Variants in PCDHGA4 observed in about 807,000 individuals in gnomAD.
The protein encoded by PCDHGA4 is protocadherin gamma-A4.
PCDHGA4 carries 38 observed loss-of-function variants against 54.6 expected under a neutral mutation model. That is an observed-to-expected ratio of 0.70 (90% CI 0.54 to 0.91). PCDHGA4 has a LOEUF of 0.91. Ranked by LOEUF, PCDHGA4 falls within the 40% of genes least tolerant of loss-of-function variation. The pLI is 0.00. For synonymous variants in PCDHGA4, 511 were observed against 512.9 expected (o/e 1.00, Z 0.05); for missense variants, 1,298 against 1,220.9 (o/e 1.06, Z -0.94).
chr5:141,460,951 G>GTA (rs200454978), intron 1 of PCDHGA4, among the ~76,000 whole-genome samples: 2,366 of 139,742 alleles, frequency 0.017, 20 homozygotes, highest in Middle Eastern at 0.037. Flanking sequence ...TATGTATTAT[G>GTA]TATATATATA....
chr5:141,355,523 T>C lies in PCDHGA4; in HGVS notation c.416T>C (p.Ile139Thr), dbSNP rs1170286718. The C allele has an allele frequency of 3.9e-5, 63 of 1,613,962 alleles. No individual in the cohort carries two copies. In the Admixed American group the frequency reaches 1.0e-3, roughly 27 times the overall value. The change falls in exon 1 of 4, where the codon ATT becomes ACT. Residue 139 changes from isoleucine (I) to threonine (T), a missense_variant. Physicochemically the swap from Ile to Thr is moderately conservative, Grantham distance 89 (BLOSUM62 -1). Transcript: ENST00000571252. ...CCAAACTGTGTGACAAACCTGGAGA[T>C]TCTTCTAGAAGATACAGTGAAGATT... ...RSPNCVTNLE[I>T]LLEDTVKILR... is the part of the protein sequence containing the mutation.
At position 141,490,874 on chromosome 5, in the gene PCDHGA4, A is replaced by T. The variant is rs368927472; in HGVS notation, c.2515-3933A>T. 2 of 1,613,948 alleles carry T rather than the reference A, an allele frequency of 1.2e-6. No homozygotes were observed. Among genetic ancestry groups the T allele is most frequent in the Non-Finnish European group, 1.7e-6 (2 of 1,179,952 alleles). On this transcript the variant is annotated intron_variant, in intron 1 of 3. Transcript: ENST00000571252. The surrounding 1 kb of genome is among the most constrained non-coding windows in gnomAD (Gnocchi z 5.4). The stretch of plus-strand genomic sequence containing the variant: ...CGAGACTCCGGCTCTCCCCCATTGC[A>T]TGCCAACACATCTCTGCATGTGTTT...
intron 1 of PCDHGA4, chr5:141,372,199 C>T: frequency 9.3e-6 from 15 of 1,613,572 alleles, no homozygotes; most frequent in Non-Finnish European, 1.3e-5. Flanking sequence ...GGATACAACG[C>T]CTGGCTGTCC....
At position 141,357,422 on chromosome 5, in the gene PCDHGA4, T is replaced by A. The variant is rs1277142896; in HGVS notation, c.2315T>A (p.Val772Glu). 1.9e-6 allele frequency: 3 copies of A among 1,614,254 alleles called. No individual in the cohort carries two copies. The African/African-American group carries it at 4.0e-5, about 22-fold the overall frequency. Residue 772 changes from valine to glutamate, a missense_variant, in exon 1 of 4, where the codon GTG (valine) becomes GAG (glutamate). Physicochemically the swap from Val to Glu is moderately radical, Grantham distance 121 (BLOSUM62 -2). Coordinates refer to ENST00000571252, the MANE Select transcript of PCDHGA4 (RefSeq NM_018917.4). ...RLAGVPASHF[V>E]GVDGVRAFLQ... ...GCAGGTGTGCCTGCCTCGCACTTTG[T>A]GGGCGTGGACGGGGTTCGGGCTTTC...
chr5:141,395,809 A>T (rs1448942836), intron 1 of PCDHGA4: 1 of 152,108 alleles, frequency 6.6e-6, no homozygotes, highest in Non-Finnish European at 1.5e-5. Flanking sequence ...CCTTCAAAAC[A>T]TGAACAAACT....
At position 141,388,709 on chromosome 5, in the gene PCDHGA4, C is replaced by G. The variant is rs370023698; in HGVS notation, c.2514+31088C>G. On this transcript the variant is annotated intron_variant, in intron 1 of 3. Coordinates refer to ENST00000571252, the MANE Select transcript of PCDHGA4 (RefSeq NM_018917.4). Reference sequence around the variant, plus strand: ...CGGACCAGGATGAGGGTGTCAATGCCGAGATTACTTTCTCTTTCAGTGAAG... The same window carrying G: ...CGGACCAGGATGAGGGTGTCAATGCGGAGATTACTTTCTCTTTCAGTGAAG... 1.4e-5 allele frequency: 22 copies of G among 1,613,938 alleles called. No individual in the cohort carries two copies. In the Admixed American group the frequency reaches 3.7e-4, roughly 27 times the overall value.
chr5:141,455,006 G>A (rs1194194759), intron 1 of PCDHGA4, among the ~76,000 whole-genome samples: 2 of 150,910 alleles, frequency 1.3e-5, no homozygotes, highest in Non-Finnish European at 3.0e-5. Flanking sequence ...TAGAGACGGG[G>A]TTTCACCGTG....
At position 141,430,782 on chromosome 5, in the gene PCDHGA4, G is replaced by C. The variant is rs1220976669; in HGVS notation, c.2515-64025G>C. 2.0e-6 allele frequency: 3 copies of C among 1,510,858 alleles called. No individual in the cohort carries two copies. The East Asian group carries it at 6.9e-5, about 35-fold the overall frequency. 93.6% of individuals were successfully genotyped at this position (1,510,858 alleles called of 1,614,324 possible). A position where few individuals can be genotyped will look rare whatever the true frequency, so the allele number is the denominator to read the frequency against. ...AGAATGATTCCTGCGCGACTGCACC[G>C]GGACTACAAAGGGCTTGTCCTGCTG... On this transcript the variant is annotated intron_variant, in intron 1 of 3. Coordinates refer to ENST00000571252, the MANE Select transcript of PCDHGA4 (RefSeq NM_018917.4).
chr5:141,371,562 T>G, intron 1 of PCDHGA4: 1 of 1,613,852 alleles, frequency 6.2e-7, no homozygotes, highest in Non-Finnish European at 8.5e-7. Context: ...AAAAGGAAAC[T>G]TCCCCTTTAA....
intron 1 of PCDHGA4, chr5:141,390,885 TGTGA>T (rs2092262333): frequency 6.5e-6 from 1 of 152,688 alleles, no homozygotes; most frequent in African/African-American, 2.4e-5. Flanking sequence ...TGTGTGTGTG[TGTGA>T]GAGAGATCCT....
At chr5:141,420,392 G>A (rs1480059498) in intron 1 of PCDHGA4, 2 of 1,268,940 alleles carry the variant, frequency 1.6e-6, no homozygotes, top group East Asian at 5.5e-5. Context: ...CAAAATATAG[G>A]TCAAATTTAT....
At chr5:141,358,595 C>T (rs1760962158) in intron 1 of PCDHGA4, among the ~76,000 whole-genome samples, 1 of 152,188 alleles carries the variant, frequency 6.6e-6, no homozygotes, top group Admixed American at 6.5e-5. Flanking sequence ...TGGTGCACTC[C>T]TGTGATTATG....
At chr5:141,499,908 G>A (rs903753761) in intron 2 of PCDHGA4, among the ~76,000 whole-genome samples, 2 of 151,980 alleles carry the variant, frequency 1.3e-5, no homozygotes, top group African/African-American at 2.4e-5. Flanking sequence ...GGCTGGTCTT[G>A]AACTCCTGGC....
At chr5:141,421,169 T>G in intron 1 of PCDHGA4, 2 of 1,340,600 alleles carry the variant, frequency 1.5e-6, no homozygotes, top group South Asian at 1.5e-5. Flanking sequence ...CATAGATACA[T>G]AAGCCGATTC....
chr5:141,395,542 T>TTGTTTGTTTGTG (rs1267535064), intron 1 of PCDHGA4: 1 of 168,708 alleles, frequency 5.9e-6, no homozygotes, highest in African/African-American at 5.7e-5. Flanking sequence ...TTGCTATTGT[T>TTGTTTGTTTGTG]TGTGTGTGTG....
At chr5:141,430,404 A>T (rs1054341813) in intron 1 of PCDHGA4, among the ~76,000 whole-genome samples, 2 of 152,000 alleles carry the variant, frequency 1.3e-5, no homozygotes, top group African/African-American at 4.8e-5. Flanking sequence ...AAAGCTCACT[A>T]AAGTTTCTAT....
In PCDHGA4 at chr5:141,431,318, G is replaced by T. The variant is rs1309389474; in HGVS notation, c.2515-63489G>T. The T allele has an allele frequency of 6.2e-7, 1 of 1,614,086 alleles. No individual in the cohort carries two copies. Among genetic ancestry groups the T allele is most frequent in the African/African-American group, 1.3e-5 (1 of 75,050 alleles). ...CTCCCTCATCGTGCAAAATGGAGCCGACGGTAGTAAGTACCCCGAATTGGT... is the reference window on the plus strand; with the variant it reads ...CTCCCTCATCGTGCAAAATGGAGCCTACGGTAGTAAGTACCCCGAATTGGT... On this transcript the variant is annotated intron_variant, in intron 1 of 3. Coordinates refer to ENST00000571252, the MANE Select transcript of PCDHGA4 (RefSeq NM_018917.4). The surrounding 1 kb of genome is among the most constrained non-coding windows in gnomAD (Gnocchi z 4.8).
In PCDHGA4 at chr5:141,491,443, G is replaced by C. The variant is rs955584868; in HGVS notation, c.2515-3364G>C. On this transcript the variant is annotated intron_variant, in intron 1 of 3. Transcript: ENST00000571252. This position sits in a 1 kb window ranked among gnomAD's most constrained non-coding sequence, Gnocchi z 6.9. ...TGGAGGGCAGTGCTGCAGGCGCCAG[G>C]ACTCACCCTCCCCGGACTTCTATAA... 1 of 1,613,998 alleles carries C rather than the reference G, an allele frequency of 6.2e-7. No homozygotes were observed. Among genetic ancestry groups the C allele is most frequent in the Admixed American group, 1.7e-5 (1 of 60,000 alleles).
chr5:141,415,552 G>T (rs1244457142), intron 1 of PCDHGA4: 3 of 1,613,980 alleles, frequency 1.9e-6, no homozygotes, highest in African/African-American at 2.7e-5. Flanking sequence ...TGAGAAAAAC[G>T]ATCCTTTGTC....
Sources: gnomAD v4.1 joint callset for allele counts (sites outside exome capture counted in the v4.1 genomes callset) on GRCh38, gnomAD v4.1.1 for gene constraint, Gnocchi (gnomAD v3.1) non-coding constraint, MANE v1.5 for transcripts, NCBI Gene and HGNC (gene_info 2026-07-23, HGNC 2026-07-21) for gene names.